VPS8: variants seen among roughly 807,000 people sequenced by gnomAD.
VPS8 encodes vacuolar protein sorting-associated protein 8 homolog.
A neutral mutation model predicts 216.4 loss-of-function variants in VPS8; 129 were observed. That is an observed-to-expected ratio of 0.60 (90% confidence interval 0.52 to 0.69). The LOEUF (loss-of-function observed/expected upper bound fraction) is 0.69, where lower values mean the gene tolerates loss of function less well. Ranked by LOEUF, VPS8 falls within the 30% of genes least tolerant of loss-of-function variation. The pLI is 0.00. For missense variants in VPS8, 1,531 were observed against 1,683.5 expected (o/e 0.91, Z 1.59); for synonymous variants, 571 against 565.4 (o/e 1.01, Z -0.14).
intron 36 of VPS8, among the ~76,000 whole-genome samples, chr3:184,951,342 C>T (rs1744661741): frequency 6.6e-6 from 1 of 151,912 alleles, no homozygotes; most frequent in South Asian, 2.1e-4. Flanking sequence ...AAAAATTAGC[C>T]AGCGTAGTGC....
Position 184,859,987 on chromosome 3 carries a change from A to C in VPS8, c.1146A>C (p.Val382=). ...CRGDVVHFLL[V]KRDESGAIHV... ...GGTTGTTTTTATTTCATCATCAGGTAAAGAGAGATGAATCTGGAGCAATAC... is the reference window on the plus strand; with the variant it reads ...GGTTGTTTTTATTTCATCATCAGGTCAAGAGAGATGAATCTGGAGCAATAC... Residue 382 remains valine, a splice_region_variant and synonymous_variant, in exon 15 of 48, where the codon GTA becomes GTC. Coordinates refer to ENST00000625842, the MANE Select transcript of VPS8 (RefSeq NM_001009921.3). The C allele has an allele frequency of 6.2e-7, 1 of 1,612,510 alleles. No individual in the cohort carries two copies. Among genetic ancestry groups the C allele is most frequent in the Non-Finnish European group, 8.5e-7 (1 of 1,178,970 alleles).
In VPS8 at chr3:184,940,231, T is replaced by G; in HGVS notation, c.3023T>G (p.Leu1008Arg). Reference protein sequence around the residue: ...QVLLFKFLRSLLDPREGIHVN... With the variant: ...QVLLFKFLRSRLDPREGIHVN... ...TTGCTTTTCAAATTTTTGAGGAGTC[T>G]TCTTGACCCAAGGTATGTTGACAAA... The change falls in exon 36 of 48, where the codon CTT becomes CGT. Residue 1008 changes from leucine to arginine, a missense_variant. By Grantham distance (102) the Leu-to-Arg change is moderately radical. Around this residue, in one of 3 missense-constraint regions of VPS8, gnomAD observed 1,318 missense variants for 1,468.4 expected, o/e 0.90. Transcript: ENST00000625842. 4.7e-6 allele frequency: 7 copies of G among 1,477,178 alleles called. No homozygotes were observed. Among genetic ancestry groups the G allele is most frequent in the Non-Finnish European group, 5.4e-6 (6 of 1,103,834 alleles). The allele number at this position is 1,477,178 out of a possible 1,614,324, so 91.5% of individuals were successfully genotyped here. A position where few individuals can be genotyped will look rare whatever the true frequency, so the allele number is the denominator to read the frequency against.
chr3:184,833,285 G>T (rs547729407), intron 4 of VPS8, among the ~76,000 whole-genome samples: 4 of 152,252 alleles, frequency 2.6e-5, no homozygotes, highest in South Asian at 4.1e-4. Flanking sequence ...TTAAATTTGG[G>T]CTGCTTTTCA....
At chr3:184,841,136 T>G (rs1193650540) in intron 7 of VPS8, among the ~76,000 whole-genome samples, 1 of 152,184 alleles carries the variant, frequency 6.6e-6, no homozygotes, top group East Asian at 1.9e-4. Flanking sequence ...GAATTTAGAA[T>G]TGATTGAAAA....
chr3:184,896,857 A>G (rs954393085), intron 23 of VPS8, among the ~76,000 whole-genome samples: 2 of 152,216 alleles, frequency 1.3e-5, no homozygotes, highest in African/African-American at 4.8e-5. Flanking sequence ...ATGTGAGGCT[A>G]CCTTAGATTG....
intron 5 of VPS8, 78 bp downstream of exon 5, chr3:184,834,820 AC>A: frequency 8.8e-7 from 1 of 1,135,438 alleles, no homozygotes; most frequent in Non-Finnish European, 1.3e-6. Flanking sequence ...AGAACAAAAT[AC>A]AGCACTTCTC....
rs55724735 is a variant in VPS8 at position 184,977,728 on chromosome 3, C to CT, written c.3421-4821dup. Among the ~76,000 whole-genome samples, 996 of 125,986 alleles carry CT rather than the reference C, an allele frequency of 7.9e-3. 20 individuals are homozygous for CT. Among genetic ancestry groups the CT allele is most frequent in the African/African-American group, 0.026 (915 of 35,004 alleles). 82.7% of individuals were successfully genotyped at this position (125,986 alleles called of 152,430 possible). On this transcript the variant is annotated intron_variant, in intron 40 of 47. Coordinates refer to ENST00000625842, the MANE Select transcript of VPS8 (RefSeq NM_001009921.3). Reference sequence around the variant, plus strand: ...AGGGAGTCTTTTTCTCATTGCTTATCTTTTTTTTTTTTTTTTTGTCAACTT... The same window carrying CT: ...AGGGAGTCTTTTTCTCATTGCTTATCTTTTTTTTTTTTTTTTTTGTCAACTT...
At chr3:185,030,771 A>G (rs1400908644) in intron 46 of VPS8, among the ~76,000 whole-genome samples, 1 of 151,994 alleles carries the variant, frequency 6.6e-6, no homozygotes, top group East Asian at 1.9e-4. Context: ...TGATTTTTGG[A>G]GTTTTTTAAG....
chr3:184,856,467 T>G (rs1289980228), intron 14 of VPS8, among the ~76,000 whole-genome samples: 1 of 152,228 alleles, frequency 6.6e-6, no homozygotes, highest in Non-Finnish European at 1.5e-5. Flanking sequence ...GAGGCAAGAA[T>G]GTGCCTTTGT....
chr3:184,973,792 C>T (rs370621082), intron 40 of VPS8, among the ~76,000 whole-genome samples: 3 of 152,058 alleles, frequency 2.0e-5, no homozygotes, highest in East Asian at 1.9e-4. Flanking sequence ...TCAGAACATG[C>T]GATATTTGTC....
chr3:184,951,366 T>A (rs78495843), intron 36 of VPS8, among the ~76,000 whole-genome samples: 6,351 of 151,806 alleles, frequency 0.042, 143 homozygotes, highest in African/African-American at 0.054. Flanking sequence ...ACACCTATAG[T>A]CTCAGTTACT....
intron 18 of VPS8, 125 bp downstream of exon 18, chr3:184,868,184 C>T: frequency 1.0e-6 from 1 of 961,038 alleles, no homozygotes; most frequent in Non-Finnish European, 1.6e-6. Context: ...ACAAGAAAAC[C>T]ATTATAGCTG....
At chr3:185,014,314 A>C (rs1037085322) in intron 45 of VPS8, among the ~76,000 whole-genome samples, 7 of 152,018 alleles carry the variant, frequency 4.6e-5, no homozygotes, top group Non-Finnish European at 2.9e-5. Context: ...GGTGTTGCTC[A>C]TGACAGTTGG....
At chr3:184,959,341 T>A (rs1454286003) in intron 37 of VPS8, among the ~76,000 whole-genome samples, 2 of 152,172 alleles carry the variant, frequency 1.3e-5, no homozygotes, top group African/African-American at 4.8e-5. Context: ...TAACCCATGT[T>A]TCCAATTTTT....
chr3:184,992,502 G>A (rs1041419757), intron 42 of VPS8, among the ~76,000 whole-genome samples: 1 of 151,978 alleles, frequency 6.6e-6, no homozygotes, highest in African/African-American at 2.4e-5. Flanking sequence ...CTGCTTGATA[G>A]TTTTGTGACT....
At position 184,936,768 on chromosome 3, in the gene VPS8, C is replaced by T. The variant is rs925249356; in HGVS notation, c.2988+433C>T. On this transcript the variant is annotated intron_variant, in intron 35 of 47. Transcript: ENST00000625842. ...TTTTTTTTTTTTTGAGATGGAGTCTCGCTCTGTCACCCAGGCTGGAGTGCA... is the reference window on the plus strand; with the variant it reads ...TTTTTTTTTTTTTGAGATGGAGTCTTGCTCTGTCACCCAGGCTGGAGTGCA... 6.0e-5 allele frequency among the ~76,000 whole-genome samples: 9 copies of T among 149,906 alleles called. No homozygotes were observed. In the East Asian group the frequency reaches 1.4e-3, roughly 23 times the overall value.
chr3:184,909,662 A>G (rs749271132), intron 25 of VPS8, among the ~76,000 whole-genome samples: 5 of 152,166 alleles, frequency 3.3e-5, no homozygotes, highest in African/African-American at 4.8e-5. Flanking sequence ...ATTTTCATGC[A>G]CTGAAACCAT....
Position 185,010,562 on chromosome 3 carries a change from A to G in VPS8, c.4002+10701A>G, listed in dbSNP as rs188998634. On this transcript the variant is annotated intron_variant, in intron 45 of 47. Coordinates refer to ENST00000625842, the MANE Select transcript of VPS8 (RefSeq NM_001009921.3). ...ATGGAAGTTACAAAGAACCAGTAGA[A>G]CATCTAGAGATTAAAACTACAATGT... Among the ~76,000 whole-genome samples the G allele has an allele frequency of 9.8e-5, 15 of 152,328 alleles. No individual in the cohort carries two copies. The East Asian group carries it at 2.5e-3, about 25-fold the overall frequency.
chr3:185,026,289 G>A (rs1757336682), intron 46 of VPS8, among the ~76,000 whole-genome samples: 1 of 152,080 alleles, frequency 6.6e-6, no homozygotes, highest in South Asian at 2.1e-4. Context: ...TACATGGGAG[G>A]ATGTGCACTG....
Sources: allele counts gnomAD v4.1 joint callset (sites outside exome capture counted in the v4.1 genomes callset), GRCh38; gene constraint gnomAD v4.1.1; regional missense constraint gnomAD v4.1.1; transcripts MANE v1.5; gene names NCBI Gene and HGNC (gene_info 2026-07-23, HGNC 2026-07-21).